The following SPEG variants were observed in gnomAD, a reference collection of about 807,000 sequenced individuals.
The protein encoded by SPEG is striated muscle preferentially expressed protein kinase.
SPEG carries 114 observed loss-of-function variants against 300.4 expected under a neutral mutation model. The ratio of observed to expected loss-of-function variants is 0.38; its 90% confidence interval spans 0.33 to 0.44. The LOEUF is 0.44. SPEG is among the 20% of genes least tolerant of loss of function. The pLI is 1.00. For synonymous variants in SPEG, 1,964 were observed against 2,018.9 expected (o/e 0.97, Z 0.73); for missense variants, 4,201 against 4,586.2 (o/e 0.92, Z 2.43).
At position 219,472,004 on chromosome 2, in the gene SPEG, C is replaced by T. The variant is rs755377026; in HGVS notation, c.3835+17C>T. 28 of 1,608,900 alleles carry T rather than the reference C, an allele frequency of 1.7e-5. No homozygotes were observed. Among genetic ancestry groups the T allele is most frequent in the East Asian group, 6.7e-5 (3 of 44,880 alleles). On this transcript the variant is annotated intron_variant, in intron 14 of 40. Transcript: ENST00000312358. ...ATGTCACAGGTGAGGCAGGCACCCT[C>T]GTGGTCAGCTGCACGCACAGCCTGG...
Position 219,473,847 on chromosome 2 carries a change from G to A in SPEG, c.4391G>A (p.Cys1464Tyr). Residue 1464 changes from cysteine to tyrosine, a missense_variant, in exon 18 of 41, where the codon TGC (cysteine) becomes TAC (tyrosine). Transcript: ENST00000312358. This position sits in a 1 kb window ranked among gnomAD's most constrained non-coding sequence, Gnocchi z 4.6. ...CGCCGGGACATGGGGGCCCTCACCT[G>A]CACCGCCCGAAACCGTCACGGCACA... is the stretch of plus-strand genomic sequence containing the variant. The part of the protein sequence containing the change: ...VSRRDMGALT[C>Y]TARNRHGTQT... The A allele has an allele frequency of 6.2e-7, 1 of 1,613,674 alleles. No homozygotes were observed. Among genetic ancestry groups the A allele is most frequent in the Non-Finnish European group, 8.5e-7 (1 of 1,180,032 alleles).
rs886786021 is a variant in SPEG, at chr2:219,459,938, G to A, written c.2441-1944G>A. On this transcript the variant is annotated intron_variant, in intron 6 of 40. Coordinates refer to ENST00000312358, the MANE Select transcript of SPEG (RefSeq NM_005876.5). This position sits in a 1 kb window ranked among gnomAD's most constrained non-coding sequence, Gnocchi z 4.9. ...TGGGAATGTGGCCCCGGGTTGCGGG[G>A]TGAGGTGATAGGAAGAGGGAGAAGG... Among the ~76,000 whole-genome samples the A allele has an allele frequency of 2.0e-5, 3 of 152,336 alleles. No individual in the cohort carries two copies. Among genetic ancestry groups the A allele is most frequent in the Admixed American group, 6.5e-5 (1 of 15,304 alleles).
In SPEG at chr2:219,490,830, A is replaced by G; in HGVS notation, c.9259A>G (p.Lys3087Glu). 6.2e-7 allele frequency: 1 copy of G among 1,614,052 alleles called. No homozygotes were observed. The highest frequency in any genetic ancestry group is 2.2e-5 in the East Asian group (1 of 44,880). ...CCACCACGTGCTCCACCTAGACATCAAGCCAGACAACCTGCTGCTGGCCCC... is the reference window on the plus strand; with the variant it reads ...CCACCACGTGCTCCACCTAGACATCGAGCCAGACAACCTGCTGCTGGCCCC... The part of the protein sequence containing the change: ...HGHHVLHLDI[K>E]PDNLLLAPDN... Residue 3087 changes from lysine to glutamate, a missense_variant, in exon 38 of 41, where the codon AAG becomes GAG. By Grantham distance (56) the Lys-to-Glu change is moderately conservative. Around this residue, in one of 4 missense-constraint regions of SPEG, gnomAD observed 318 missense variants for 429.5 expected, o/e 0.74. Coordinates refer to ENST00000312358, the MANE Select transcript of SPEG (RefSeq NM_005876.5).
chr2:219,457,168 G>A (rs1046463078), intron 6 of SPEG, among the ~76,000 whole-genome samples: 22 of 152,294 alleles, frequency 1.4e-4, no homozygotes, highest in African/African-American at 4.8e-4. Context: ...TTCAAGAACT[G>A]CCTGTGGAGG....
chr2:219,492,746 GC>G lies in SPEG; in HGVS notation c.9766del (p.His3256ThrfsTer39). The G allele has an allele frequency of 6.3e-7, 1 of 1,599,882 alleles. No homozygotes were observed. The highest frequency in any genetic ancestry group is 8.5e-7 in the Non-Finnish European group (1 of 1,178,096). ...QRRRRAEAAT[R>X]HKVLLRSYPG... ...CGGCGCCGGGCTGAGGCTGCCACCCGCCACAAGGTGCTGCTGCGCTCCTACC... is the reference window on the plus strand; with the variant it reads ...CGGCGCCGGGCTGAGGCTGCCACCCGCACAAGGTGCTGCTGCGCTCCTACC... On this transcript the variant is annotated frameshift_variant, in exon 41 of 41. Coordinates refer to ENST00000312358, the MANE Select transcript of SPEG (RefSeq NM_005876.5). LOFTEE classifies it high-confidence loss of function.
chr2:219,465,924 C>CGCGT, intron 9 of SPEG: 1 of 541,388 alleles, frequency 1.8e-6, no homozygotes, highest in African/African-American at 2.3e-5. Flanking sequence ...TGTGTGTGTG[C>CGCGT]GCGCGTGTGC....
At position 219,468,598 on chromosome 2, in the gene SPEG, C is replaced by T. The variant is rs1202116887; in HGVS notation, c.3163C>T (p.Arg1055Trp). Residue 1055 changes from arginine to tryptophan, a missense_variant, in exon 11 of 41, where the codon CGG becomes TGG. This residue lies in a region of SPEG where 1,047 missense variants were observed against 1,356.8 expected (regional missense o/e 0.77). Coordinates refer to ENST00000312358, the MANE Select transcript of SPEG (RefSeq NM_005876.5). ...CACAGATGAGCTGACCTGCAGTGCC[C>T]GGCTGACCGTGCGGCCCTCGTTGGC... Reference protein sequence around the residue: ...TAKDELTCSARLTVRPSLAPL... With the variant: ...TAKDELTCSAWLTVRPSLAPL... 6.8e-6 allele frequency: 11 copies of T among 1,613,104 alleles called. No individual in the cohort carries two copies. The highest frequency in any genetic ancestry group is 3.5e-4 in the Middle Eastern group (2 of 5,724).
chr2:219,471,844 G>A (rs1362837163), intron 13 of SPEG, 24 bp from the exon 14 acceptor site: 2 of 1,613,468 alleles, frequency 1.2e-6, no homozygotes, highest in Non-Finnish European at 8.5e-7. Flanking sequence ...CTCAGGCCCA[G>A]TGTCACTGTC....
rs756477438 is a variant in SPEG, at chr2:219,477,817, C to CGA, written c.4826+38_4826+39dup. 9.4e-5 allele frequency: 150 copies of CGA among 1,593,042 alleles called. 2 individuals are homozygous for CGA. The African/African-American group carries it at 1.9e-3, about 20-fold the overall frequency. ...GGCTAGGAGGGAAGCCAGTGGGGGC[C>CGA]GAGAGAGGCTGCTGGGTCTGAGGGT... On this transcript the variant is annotated intron_variant, in intron 21 of 40. Transcript: ENST00000312358. The surrounding 1 kb of genome is among the most constrained non-coding windows in gnomAD (Gnocchi z 6.4).
At position 219,443,226 on chromosome 2, in the gene SPEG, C is replaced by T. The variant is rs553134647; in HGVS notation, c.389-1427C>T. On this transcript the variant is annotated intron_variant, in intron 1 of 40. Transcript: ENST00000312358. The surrounding 1 kb of genome is among the most constrained non-coding windows in gnomAD (Gnocchi z 4.6). ...TGGTCCCTGTCCCTCTGTGAGGCAT[C>T]GAGTTCCTGAAGACAGCCCATGAGA... 239 of 1,423,590 alleles carry T rather than the reference C, an allele frequency of 1.7e-4. No homozygotes were observed. The highest frequency in any genetic ancestry group is 2.3e-4 in the Non-Finnish European group (231 of 1,007,274). The allele number at this position is 1,423,590 out of a possible 1,614,324, so 88.2% of individuals were successfully genotyped here.
At position 219,480,043 on chromosome 2, in the gene SPEG, A is replaced by C; in HGVS notation, c.5245A>C (p.Thr1749Pro). ...ICDFGNAQEL[T>P]PGEPQYCQYG... ...TGACTTTGGGAATGCCCAGGAGCTG[A>C]CTCCAGGAGAGCCCCAGTACTGCCA... Residue 1749 changes from threonine to proline, a missense_variant, in exon 25 of 41, where the codon ACT (threonine) becomes CCT (proline). Physicochemically the swap from Thr to Pro is conservative, Grantham distance 38. Coordinates refer to ENST00000312358, the MANE Select transcript of SPEG (RefSeq NM_005876.5). This position sits in a 1 kb window ranked among gnomAD's most constrained non-coding sequence, Gnocchi z 5.3. 1 of 1,613,612 alleles carries C rather than the reference A, an allele frequency of 6.2e-7. No individual in the cohort carries two copies. Among genetic ancestry groups the C allele is most frequent in the Non-Finnish European group, 8.5e-7 (1 of 1,179,882 alleles).
chr2:219,484,817 G>T lies in SPEG; in HGVS notation c.7354G>T (p.Ala2452Ser). The change falls in exon 30 of 41, where the codon GCG becomes TCG. Residue 2452 changes from alanine (A) to serine (S), a missense_variant. Ala to Ser is a moderately conservative substitution (Grantham distance 99). This residue lies in a region of SPEG where 1,578 missense variants were observed against 1,506.0 expected (regional missense o/e 1.05). Transcript: ENST00000312358. ...CTCGGCGCGGGGCTCCCCGGTGCTG[G>T]CGATGCGCAGGCGGCTGAGCTTCAC... ...GSSARGSPVL[A>S]MRRRLSFTLE... The T allele has an allele frequency of 6.7e-7, 1 of 1,498,926 alleles. No homozygotes were observed. Among genetic ancestry groups the T allele is most frequent in the East Asian group, 2.7e-5 (1 of 36,648 alleles). The allele number at this position is 1,498,926 out of a possible 1,614,324, so 92.9% of individuals were successfully genotyped here.
Position 219,459,890 on chromosome 2 carries a change from G to A in SPEG, c.2441-1992G>A, listed in dbSNP as rs879478116. The stretch of plus-strand genomic sequence containing the variant: ...CCAGCCCTCCTTCCTTACTGGCCAT[G>A]CTGGGAAACACAGGTCATGGCTTGG... On this transcript the variant is annotated intron_variant, in intron 6 of 40. Coordinates refer to ENST00000312358, the MANE Select transcript of SPEG (RefSeq NM_005876.5). The surrounding 1 kb of genome is among the most constrained non-coding windows in gnomAD (Gnocchi z 4.9). Among the ~76,000 whole-genome samples, 5 of 152,228 alleles carry A rather than the reference G, an allele frequency of 3.3e-5. No individual in the cohort carries two copies. The highest frequency in any genetic ancestry group is 5.9e-5 in the Non-Finnish European group (4 of 68,038).
chr2:219,456,361 C>T (rs1218956956), intron 6 of SPEG, among the ~76,000 whole-genome samples: 1 of 152,354 alleles, frequency 6.6e-6, no homozygotes, highest in Admixed American at 6.5e-5. Flanking sequence ...TGCCACATGG[C>T]CCCCATCGTC....
Position 219,463,392 on chromosome 2 carries a change from ATTTTTTTTTTTTTTTTTTTTTT to A in SPEG, c.2705+1023_2706-1003del, listed in dbSNP as rs71040459. ...AATTGATTGTCTGGTCCCCACTGTG[ATTTTTTTTTTTTTTTTTTTTTT>A]TTTTTTTTTTTTTTTTAGCTGGAGT... is the stretch of plus-strand genomic sequence containing the variant. On this transcript the variant is annotated intron_variant, in intron 8 of 40. Coordinates refer to ENST00000312358, the MANE Select transcript of SPEG (RefSeq NM_005876.5). Among the ~76,000 whole-genome samples the A allele has an allele frequency of 8.4e-4, 20 of 23,948 alleles. 2 individuals carry two copies. In the South Asian group the frequency reaches 0.026, roughly 32 times the overall value. 15.7% of individuals were successfully genotyped at this position (23,948 alleles called of 152,430 possible).
chr2:219,486,073 G>A (rs1474909399), intron 31 of SPEG, among the ~76,000 whole-genome samples: 1 of 152,204 alleles, frequency 6.6e-6, no homozygotes, highest in Non-Finnish European at 1.5e-5. Flanking sequence ...AGTCTCCATT[G>A]CTCTGCAGCT....
Position 219,451,320 on chromosome 2 carries a change from A to T in SPEG, c.2257+41A>T. 1 of 1,564,918 alleles carries T rather than the reference A, an allele frequency of 6.4e-7. No homozygotes were observed. The highest frequency in any genetic ancestry group is 8.6e-7 in the Non-Finnish European group (1 of 1,158,076). ...GGGCCAAGGTGCGGTCGAGGTTGGG[A>T]GGGGGTGTGTGAGAAGGGAAGGGGA... On this transcript the variant is annotated intron_variant, in intron 5 of 40. Transcript: ENST00000312358. The surrounding 1 kb of genome is among the most constrained non-coding windows in gnomAD (Gnocchi z 6.4).
At position 219,448,044 on chromosome 2, in the gene SPEG, C is replaced by A. The variant is rs771056941; in HGVS notation, c.886C>A (p.Arg296Ser). 9.9e-6 allele frequency: 16 copies of A among 1,611,870 alleles called. No individual in the cohort carries two copies. Among genetic ancestry groups the A allele is most frequent in the Non-Finnish European group, 1.4e-5 (16 of 1,179,750 alleles). Residue 296 changes from arginine (R) to serine (S), a missense_variant, in exon 4 of 41, where the codon CGC (arginine) becomes AGC (serine). Arg to Ser is a moderately radical substitution (Grantham distance 110, BLOSUM62 -1). Coordinates refer to ENST00000312358, the MANE Select transcript of SPEG (RefSeq NM_005876.5). ...GCCTCAACTGGCCAGCGAAGCCCCA[C>A]GCCGCCCTGCCCAGCCGCCTCCTTC... ...LQPQLASEAP[R>S]RPAQPPPSKS...
At chr2:219,482,008 T>A (rs904220441) in intron 28 of SPEG, 8 of 487,084 alleles carry the variant, frequency 1.6e-5, no homozygotes, top group Non-Finnish European at 3.0e-5. Context: ...CTTCTGTCTG[T>A]CCATCTCTGT....
Sources: allele counts gnomAD v4.1 joint callset (sites outside exome capture counted in the v4.1 genomes callset), GRCh38; gene constraint gnomAD v4.1.1; regional missense constraint gnomAD v4.1.1; non-coding constraint Gnocchi (gnomAD v3.1); transcripts MANE v1.5; gene names NCBI Gene and HGNC (gene_info 2026-07-23, HGNC 2026-07-21).